CDH18: variants seen among roughly 807,000 people sequenced by gnomAD.
CDH18 encodes cadherin-18.
In CDH18, 31 loss-of-function variants were observed where a neutral mutation model predicts 67.9. The ratio of observed to expected loss-of-function variants is 0.46; its 90% CI spans 0.34 to 0.62. CDH18 has a LOEUF of 0.62. Among genes scored for constraint, CDH18 ranks in the 20% least tolerant of loss-of-function variants. CDH18 has a pLI of 0.01. For missense variants in CDH18, 890 were observed against 975.5 expected (o/e 0.91, Z 1.17); for synonymous variants, 362 against 347.2 (o/e 1.04, Z -0.48).
chr5:20,412,279 T>C (rs1424486635), intron 1 of CDH18, among the ~76,000 whole-genome samples: 1 of 152,118 alleles, frequency 6.6e-6, no homozygotes, highest in African/African-American at 2.4e-5. Context: ...AAGGACATAG[T>C]GTTCAATAAA....
At chr5:20,066,529 C>A (rs1462155565) in intron 2 of CDH18, among the ~76,000 whole-genome samples, 1 of 151,908 alleles carries the variant, frequency 6.6e-6, no homozygotes, top group East Asian at 1.9e-4. Context: ...CAAAGGACTA[C>A]CATTAAGGTG....
chr5:19,548,195 A>T (rs1736678737), intron 8 of CDH18, among the ~76,000 whole-genome samples: 1 of 152,146 alleles, frequency 6.6e-6, no homozygotes, highest in Admixed American at 6.6e-5. Flanking sequence ...AATTAATTTG[A>T]CATTATCAGA....
chr5:20,035,035 C>A (rs1306153287), intron 2 of CDH18, among the ~76,000 whole-genome samples: 1 of 151,982 alleles, frequency 6.6e-6, no homozygotes, highest in Non-Finnish European at 1.5e-5. Context: ...ATATGATTGG[C>A]CATAGCTGCT....
intron 2 of CDH18, among the ~76,000 whole-genome samples, chr5:19,995,537 C>G (rs1303463380): frequency 6.7e-6 from 1 of 148,850 alleles, no homozygotes; most frequent in Non-Finnish European, 1.5e-5. Flanking sequence ...GTTTTACTGT[C>G]TGAACATACT....
At chr5:19,836,489 T>C (rs536489307) in intron 3 of CDH18, among the ~76,000 whole-genome samples, 1 of 152,224 alleles carries the variant, frequency 6.6e-6, no homozygotes, top group African/African-American at 2.4e-5. Flanking sequence ...TCTGTTCATA[T>C]CCTTTGCCTA....
chr5:19,558,288 C>T (rs1054504809), intron 8 of CDH18, among the ~76,000 whole-genome samples: 9 of 151,692 alleles, frequency 5.9e-5, no homozygotes, highest in South Asian at 2.1e-4. Flanking sequence ...AAATAAATAA[C>T]GAAATCAGAG....
At position 19,878,430 on chromosome 5, in the gene CDH18, T is replaced by C. The variant is rs115759499; in HGVS notation, c.-256-39188A>G. On this transcript the variant is annotated intron_variant, in intron 2 of 12. Transcript: ENST00000382275. ...AAACAATTGTTAGGAACTTAGGCAA[T>C]AGATCTTTTCATGCTGCCCTGGTAC... Among the ~76,000 whole-genome samples the C allele has an allele frequency of 5.6e-3, 850 of 152,212 alleles. 11 individuals are homozygous for C. The highest frequency in any genetic ancestry group is 0.019 in the African/African-American group (807 of 41,566).
At chr5:19,492,736 A>G (rs1386315) in intron 11 of CDH18, among the ~76,000 whole-genome samples, 46,691 of 151,912 alleles carry the variant, frequency 0.31, 7,276 homozygotes, top group South Asian at 0.38. Flanking sequence ...ATTTTACAAT[A>G]TATATTATAA....
chr5:19,520,964 G>T (rs1746808349), intron 9 of CDH18, among the ~76,000 whole-genome samples, 186 bp from the exon 10 acceptor site: 1 of 152,120 alleles, frequency 6.6e-6, no homozygotes, highest in South Asian at 2.1e-4. Context: ...AATGAAAAAT[G>T]AACACCATGG....
intron 3 of CDH18, among the ~76,000 whole-genome samples, chr5:19,784,072 CATTT>C: frequency 6.6e-6 from 1 of 152,168 alleles, no homozygotes; most frequent in East Asian, 1.9e-4. Context: ...TTCCATAATT[CATTT>C]AATACATTTT....
chr5:19,792,720 CT>C (rs1776487074), intron 3 of CDH18, among the ~76,000 whole-genome samples: 1 of 152,042 alleles, frequency 6.6e-6, no homozygotes, highest in Non-Finnish European at 1.5e-5. Context: ...ATGATGACAA[CT>C]TTATTTGTTA....
At chr5:20,553,596 C>G (rs1019607861) in intron 1 of CDH18, among the ~76,000 whole-genome samples, 1 of 152,150 alleles carries the variant, frequency 6.6e-6, no homozygotes, top group African/African-American at 2.4e-5. Flanking sequence ...GGAAGATGGA[C>G]TACAGATTAG....
At chr5:20,154,983 C>A (rs1309850540) in intron 2 of CDH18, among the ~76,000 whole-genome samples, 1 of 152,162 alleles carries the variant, frequency 6.6e-6, no homozygotes, top group African/African-American at 2.4e-5. Context: ...ACCTGATTAG[C>A]AACTTCATTT....
chr5:19,718,401 T>C (rs1765603641), intron 5 of CDH18, among the ~76,000 whole-genome samples: 2 of 152,050 alleles, frequency 1.3e-5, no homozygotes, highest in African/African-American at 4.8e-5. Flanking sequence ...ATGCTTCTTA[T>C]ATAACATGCC....
intron 6 of CDH18, among the ~76,000 whole-genome samples, chr5:19,600,865 A>T (rs1322082761): frequency 2.0e-5 from 3 of 152,182 alleles, no homozygotes; most frequent in Non-Finnish European, 4.4e-5. Context: ...TGGGACTTAC[A>T]TTAGAAAAAT....
chr5:20,314,803 A>C (rs1004553800), intron 1 of CDH18, among the ~76,000 whole-genome samples: 1 of 152,134 alleles, frequency 6.6e-6, no homozygotes, highest in Non-Finnish European at 1.5e-5. Flanking sequence ...AAACTAATAC[A>C]TAAATACACA....
chr5:20,112,521 A>G (rs1327464507), intron 2 of CDH18, among the ~76,000 whole-genome samples: 1 of 152,102 alleles, frequency 6.6e-6, no homozygotes, highest in East Asian at 1.9e-4. Context: ...AGGAATTCTC[A>G]CTAGCTATTG....
intron 1 of CDH18, among the ~76,000 whole-genome samples, chr5:20,349,815 G>C (rs1741017595): frequency 6.6e-6 from 1 of 152,066 alleles, no homozygotes; most frequent in African/African-American, 2.4e-5. Context: ...AAAATAATGG[G>C]ACATATTTTC....
chr5:19,897,466 C>T (rs2150102057), intron 2 of CDH18, among the ~76,000 whole-genome samples: 1 of 152,258 alleles, frequency 6.6e-6, no homozygotes, highest in African/African-American at 2.4e-5. Flanking sequence ...AATTTTCTTA[C>T]ATTGCCCACA....
Sources: allele counts gnomAD v4.1 joint callset (sites outside exome capture counted in the v4.1 genomes callset), GRCh38; gene constraint gnomAD v4.1.1; transcripts MANE v1.5; gene names NCBI Gene and HGNC (gene_info 2026-07-23, HGNC 2026-07-21).